NHEJ1: variants seen among roughly 807,000 people sequenced by gnomAD.
The protein encoded by NHEJ1 is non-homologous end-joining factor 1.
A neutral mutation model predicts 39.4 loss-of-function variants in NHEJ1; 22 were observed. The observed-to-expected ratio is 0.56, with a 90% CI of 0.40 to 0.80. The LOEUF (loss-of-function observed/expected upper bound fraction) is 0.80. Among genes scored for constraint, NHEJ1 ranks in the 30% least tolerant of loss-of-function variants. The pLI is 0.00. For synonymous variants in NHEJ1, 154 were observed against 135.6 expected (o/e 1.14, Z -0.94); for missense variants, 329 against 357.1 (o/e 0.92, Z 0.63).
At chr2:219,095,539 C>T (rs949435509) in intron 5 of NHEJ1, among the ~76,000 whole-genome samples, 2 of 152,160 alleles carry the variant, frequency 1.3e-5, no homozygotes, top group African/African-American at 2.4e-5. Context: ...GACTCCTTAG[C>T]CTCTGCCAAC....
intron 5 of NHEJ1, among the ~76,000 whole-genome samples, chr2:219,088,023 A>G (rs1327275752): frequency 6.6e-6 from 1 of 152,210 alleles, no homozygotes; most frequent in Non-Finnish European, 1.5e-5. Flanking sequence ...CCACAACCGG[A>G]TATCTCTATA....
At chr2:219,151,435 T>C (rs1435715290) in intron 3 of NHEJ1, among the ~76,000 whole-genome samples, 2 of 152,234 alleles carry the variant, frequency 1.3e-5, no homozygotes, top group African/African-American at 2.4e-5. Context: ...TAATTAAATA[T>C]GATAATGCCA....
intron 5 of NHEJ1, among the ~76,000 whole-genome samples, chr2:219,101,394 G>A (rs922642353): frequency 1.3e-5 from 2 of 148,492 alleles, no homozygotes; most frequent in Non-Finnish European, 3.0e-5. Flanking sequence ...GAATTACAGG[G>A]GTGAGCCACC....
At chr2:219,135,142 A>T (rs1037432650) in intron 5 of NHEJ1, among the ~76,000 whole-genome samples, 15 of 152,010 alleles carry the variant, frequency 9.9e-5, no homozygotes, top group Admixed American at 9.8e-4. Context: ...TTTGTAAAAA[A>T]TAGGCTAAGG....
At chr2:219,155,857 G>A (rs762346588) in intron 3 of NHEJ1, among the ~76,000 whole-genome samples, 4 of 151,942 alleles carry the variant, frequency 2.6e-5, no homozygotes, top group Non-Finnish European at 4.4e-5. Context: ...CCCAGGAGGC[G>A]GAGCTTGTAG....
chr2:219,087,832 A>G (rs1949125263), intron 5 of NHEJ1, among the ~76,000 whole-genome samples: 1 of 152,254 alleles, frequency 6.6e-6, no homozygotes, highest in Non-Finnish European at 1.5e-5. Flanking sequence ...CAAAAAAGCA[A>G]GCTATAATGT....
intron 5 of NHEJ1, among the ~76,000 whole-genome samples, chr2:219,131,636 T>A (rs956726379): frequency 2.0e-5 from 3 of 152,216 alleles, no homozygotes; most frequent in African/African-American, 7.2e-5. Flanking sequence ...TTGGTTTTTC[T>A]TTTTTTGGAT....
chr2:219,135,934 G>C (rs1046774608), intron 5 of NHEJ1, among the ~76,000 whole-genome samples: 1 of 152,222 alleles, frequency 6.6e-6, no homozygotes, highest in Admixed American at 6.5e-5. Flanking sequence ...TTTGAGTAAA[G>C]TAAGATATAC....
At position 219,111,628 on chromosome 2, in the gene NHEJ1, G is replaced by GACACACACACACACACACAC. The variant is rs368706049; in HGVS notation, c.589-33442_589-33423dup. Among the ~76,000 whole-genome samples the GACACACACACACACACACAC allele has an allele frequency of 3.3e-4, 45 of 138,434 alleles. No individual in the cohort carries two copies. The East Asian group carries it at 3.4e-3, about 10-fold the overall frequency. The allele number at this position is 138,434 out of a possible 152,430, so 90.8% of individuals were successfully genotyped here. On this transcript the variant is annotated intron_variant, in intron 5 of 7. Transcript: ENST00000356853. This position sits in a 1 kb window ranked among gnomAD's most constrained non-coding sequence, Gnocchi z 4.1. ...GAATTAAGTCTACAGTGTGAATACA[G>GACACACACACACACACACAC]ACACACACACACACACACACACACA...
intron 5 of NHEJ1, among the ~76,000 whole-genome samples, chr2:219,096,883 G>T (rs1046613773): frequency 6.6e-6 from 1 of 152,176 alleles, no homozygotes; most frequent in African/African-American, 2.4e-5. Context: ...TTTTTACTTA[G>T]AGTAAAATGG....
rs1948988056 is a variant in NHEJ1 at position 219,073,863 on chromosome 2, A to G, written c.*2518T>C. Among the ~76,000 whole-genome samples the G allele has an allele frequency of 6.6e-6, 1 of 152,216 alleles. No individual in the cohort carries two copies. Among genetic ancestry groups the G allele is most frequent in the Non-Finnish European group, 1.5e-5 (1 of 68,040 alleles). ...TAAAATTTATGGAGCAGCCACGAGA[A>G]TTCGACCCTTTTATGTGCATGTAGA... is the stretch of plus-strand genomic sequence containing the variant. On this transcript the variant is annotated 3_prime_UTR_variant, in exon 8 of 8. Coordinates refer to ENST00000356853, the MANE Select transcript of NHEJ1 (RefSeq NM_024782.3).
At chr2:219,096,818 A>C (rs534208505) in intron 5 of NHEJ1, among the ~76,000 whole-genome samples, 7 of 152,206 alleles carry the variant, frequency 4.6e-5, no homozygotes, top group Admixed American at 2.0e-4. Context: ...AGATGAGGTC[A>C]GAAAGATTAT....
In NHEJ1 at chr2:219,076,308, T is replaced by C. The variant is rs6436107; in HGVS notation, c.*73A>G. Reference sequence around the variant, plus strand: ...CACTATTTTAGAAATATTGCTGCCATGTAAGCTTCTTTCAAGGTGAAGCTT... The same window carrying C: ...CACTATTTTAGAAATATTGCTGCCACGTAAGCTTCTTTCAAGGTGAAGCTT... On this transcript the variant is annotated 3_prime_UTR_variant, in exon 8 of 8. Coordinates refer to ENST00000356853, the MANE Select transcript of NHEJ1 (RefSeq NM_024782.3). The C allele has an allele frequency of 3.7e-4, 600 of 1,613,664 alleles. 1 individual carries two copies. In the African/African-American group the frequency reaches 7.0e-3, roughly 19 times the overall value.
At chr2:219,098,938 T>C (rs1230945261) in intron 5 of NHEJ1, among the ~76,000 whole-genome samples, 3 of 152,024 alleles carry the variant, frequency 2.0e-5, no homozygotes, top group Non-Finnish European at 4.4e-5. Flanking sequence ...ATCAGAAGTG[T>C]GTGCAAGGGA....
chr2:219,138,217 A>G (rs903268505), intron 5 of NHEJ1, among the ~76,000 whole-genome samples: 1 of 152,196 alleles, frequency 6.6e-6, no homozygotes, highest in African/African-American at 2.4e-5. Flanking sequence ...GGATTTTGTT[A>G]GGTACTTATT....
At chr2:219,116,121 A>G (rs576265374) in intron 5 of NHEJ1, among the ~76,000 whole-genome samples, 1 of 152,292 alleles carries the variant, frequency 6.6e-6, no homozygotes, top group South Asian at 2.1e-4. Context: ...TCCAACTCAA[A>G]CAACAACATC....
At chr2:219,130,304 A>G (rs1949566148) in intron 5 of NHEJ1, among the ~76,000 whole-genome samples, 1 of 152,144 alleles carries the variant, frequency 6.6e-6, no homozygotes, top group South Asian at 2.1e-4. Flanking sequence ...CATTTGATTC[A>G]GGCTTTGAGA....
At chr2:219,122,152 T>C (rs761127499) in intron 5 of NHEJ1, among the ~76,000 whole-genome samples, 70 of 152,286 alleles carry the variant, frequency 4.6e-4, no homozygotes, top group Admixed American at 7.8e-4. Flanking sequence ...GGCTGGTAAG[T>C]AGGGAGCCCA....
At chr2:219,110,237 A>C (rs534753710) in intron 5 of NHEJ1, among the ~76,000 whole-genome samples, 1 of 152,238 alleles carries the variant, frequency 6.6e-6, no homozygotes, top group East Asian at 1.9e-4. Flanking sequence ...AGCAGAATCT[A>C]AGGGGTGCCC....
Sources: allele counts gnomAD v4.1 joint callset (sites outside exome capture counted in the v4.1 genomes callset), GRCh38; gene constraint gnomAD v4.1.1; non-coding constraint Gnocchi (gnomAD v3.1); transcripts MANE v1.5; gene names NCBI Gene and HGNC (gene_info 2026-07-23, HGNC 2026-07-21).